Variants in MYT1 observed in about 807,000 individuals in gnomAD.
MYT1 encodes the protein myelin transcription factor I.
Under a neutral mutation model 123.0 loss-of-function variants are expected in MYT1, and 23 were observed. That is an observed-to-expected ratio of 0.19 (90% CI 0.13 to 0.26). The LOEUF (loss-of-function observed/expected upper bound fraction) is 0.26. Among genes scored for constraint, MYT1 ranks in the 10% least tolerant of loss-of-function variants. The probability of loss-of-function intolerance (pLI) is 1.00; values close to 1 mark genes in which losing one functional copy is unlikely to be tolerated. For missense variants in MYT1, 1,125 were observed against 1,472.5 expected (o/e 0.76, Z 3.86); for synonymous variants, 518 against 575.3 (o/e 0.90, Z 1.43).
At chr20:64,235,594 A>ATGGTGGGTGACCCCGAGCTGGCTG (rs1568722575) in intron 19 of MYT1, among the ~76,000 whole-genome samples, 4 of 106,380 alleles carry the variant, frequency 3.8e-5, no homozygotes, top group Non-Finnish European at 5.8e-5. Flanking sequence ...GGGGCTGGCC[A>ATGGTGGGTGACCCCGAGCTGGCTG]TGGTGGGTGA....
intron 2 of MYT1, among the ~76,000 whole-genome samples, chr20:64,197,142 G>A (rs905066643): frequency 5.9e-5 from 9 of 152,242 alleles, no homozygotes; most frequent in Non-Finnish European, 1.3e-4. Flanking sequence ...TTGGAAGGCT[G>A]TAATAAACGC....
At position 64,218,077 on chromosome 20, in the gene MYT1, G is replaced by A. The variant is rs945373945; in HGVS notation, c.1846+796G>A. Among the ~76,000 whole-genome samples the A allele has an allele frequency of 6.6e-6, 1 of 152,224 alleles. No individual in the cohort carries two copies. Among genetic ancestry groups the A allele is most frequent in the African/African-American group, 2.4e-5 (1 of 41,456 alleles). On this transcript the variant is annotated intron_variant, in intron 11 of 22. Coordinates refer to ENST00000328439, the MANE Select transcript of MYT1 (RefSeq NM_004535.3). The surrounding 1 kb of genome is among the most constrained non-coding windows in gnomAD (Gnocchi z 4.0). The stretch of plus-strand genomic sequence containing the variant: ...CATGAGAATAATAAAAGTACTGATT[G>A]ATGCGGCTGCCAGTGGGGTGTGAGC...
chr20:64,207,526 T>C, intron 6 of MYT1, 68 bp from the exon 7 acceptor site: 1 of 1,559,622 alleles, frequency 6.4e-7, no homozygotes. Context: ...GTGGGTGTGT[T>C]GGGGACTGGA....
At position 64,167,548 on chromosome 20, in the gene MYT1, G is replaced by T. The variant is rs956636507; in HGVS notation, c.-99+2809G>T. Among the ~76,000 whole-genome samples, 2 of 152,192 alleles carry T rather than the reference G, an allele frequency of 1.3e-5. No individual in the cohort carries two copies. Among genetic ancestry groups the T allele is most frequent in the African/African-American group, 4.8e-5 (2 of 41,444 alleles). On this transcript the variant is annotated intron_variant, in intron 1 of 22. Transcript: ENST00000328439. The surrounding 1 kb of genome is among the most constrained non-coding windows in gnomAD (Gnocchi z 6.3). ...GTCACCTGATCTGCGAGCAGGCAGG[G>T]TACTGGACGGTCAGCCAGACTTTCA... is the stretch of plus-strand genomic sequence containing the variant.
intron 13 of MYT1, among the ~76,000 whole-genome samples, chr20:64,221,222 A>T (rs168448): frequency 0.49 from 74,379 of 152,000 alleles, 20,260 homozygotes; most frequent in African/African-American, 0.72. Flanking sequence ...CTGTCAGGAC[A>T]GGATTTTGAG....
intron 8 of MYT1, 114 bp from the exon 9 acceptor site, chr20:64,211,934 C>A (rs959851004): frequency 3.6e-6 from 3 of 838,696 alleles, no homozygotes; most frequent in Non-Finnish European, 5.9e-6. Flanking sequence ...GCCTACCAAG[C>A]AGCAGCCTTT....
In MYT1 at chr20:64,166,548, A is replaced by G. The variant is rs1410941725; in HGVS notation, c.-99+1809A>G. ...AAGAGGGCCTGGTAGCCCTCTTCAG[A>G]GACCCGAGGCAGGGGGGCTGCTTCT... On this transcript the variant is annotated intron_variant, in intron 1 of 22. Coordinates refer to ENST00000328439, the MANE Select transcript of MYT1 (RefSeq NM_004535.3). The surrounding 1 kb of genome is among the most constrained non-coding windows in gnomAD (Gnocchi z 4.9). 3.3e-5 allele frequency among the ~76,000 whole-genome samples: 5 copies of G among 152,100 alleles called. No homozygotes were observed. The highest frequency in any genetic ancestry group is 7.4e-5 in the Non-Finnish European group (5 of 68,010).
rs1983551542 is a variant in MYT1 at position 64,208,099 on chromosome 20, A to AGGAAGAGGAAGAGGAAGAG, written c.904_905insGAAGAGGAAGAGGAAGAGG (p.Glu302GlyfsTer15). The AGGAAGAGGAAGAGGAAGAG allele has an allele frequency of 6.2e-7, 1 of 1,604,278 alleles. No homozygotes were observed. Among genetic ancestry groups the AGGAAGAGGAAGAGGAAGAG allele is most frequent in the African/African-American group, 1.3e-5 (1 of 74,144 alleles). On this transcript the variant is annotated frameshift_variant, in exon 7 of 23. Coordinates refer to ENST00000328439, the MANE Select transcript of MYT1 (RefSeq NM_004535.3). LOFTEE classifies it high-confidence loss of function. The surrounding 1 kb of genome is among the most constrained non-coding windows in gnomAD (Gnocchi z 5.4). ...AAGAGGAGGAGGAAGAGGAAGAGGA[A>AGGAAGAGGAAGAGGAAGAG]GAGGAGGAGGAGGAGGCAGCTCCTG...
chr20:64,236,731 A>G (rs1287033278), intron 20 of MYT1, 85 bp downstream of exon 20: 1 of 1,195,526 alleles, frequency 8.4e-7, no homozygotes, highest in East Asian at 2.3e-5. Context: ...TGGTGGGAAG[A>G]AGGTTAGGGA....
chr20:64,188,410 A>C (rs555883375), intron 1 of MYT1, among the ~76,000 whole-genome samples: 1 of 152,202 alleles, frequency 6.6e-6, no homozygotes, highest in South Asian at 2.1e-4. Context: ...AGCCTTGCCA[A>C]TCAGCCCAGT....
At chr20:64,180,888 C>T (rs771071990) in intron 1 of MYT1, among the ~76,000 whole-genome samples, 12 of 152,218 alleles carry the variant, frequency 7.9e-5, no homozygotes, top group Non-Finnish European at 1.3e-4. Flanking sequence ...CCACATGCAC[C>T]TCCCTGCCCT....
At chr20:64,214,021 C>T (rs1212587546) in intron 10 of MYT1, among the ~76,000 whole-genome samples, 1 of 152,244 alleles carries the variant, frequency 6.6e-6, no homozygotes, top group Non-Finnish European at 1.5e-5. Flanking sequence ...CTGGAAAGAG[C>T]AGACTGCACC....
At chr20:64,222,777 G>A (rs1241314973) in intron 14 of MYT1, among the ~76,000 whole-genome samples, 1 of 152,208 alleles carries the variant, frequency 6.6e-6, no homozygotes, top group Non-Finnish European at 1.5e-5. Context: ...ATCCAGGGAA[G>A]GCCTTGCTTC....
chr20:64,212,430 C>A lies in MYT1; in HGVS notation c.1517+292C>A, dbSNP rs186922304. On this transcript the variant is annotated intron_variant, in intron 9 of 22. Transcript: ENST00000328439. The surrounding 1 kb of genome is among the most constrained non-coding windows in gnomAD (Gnocchi z 6.8). ...GGTACAAGGTCAGGGCACACCTGGG[C>A]GGTGAGGGGCCTTTGTGAGGGCAGA... 5.9e-5 allele frequency among the ~76,000 whole-genome samples: 9 copies of A among 152,092 alleles called. No individual in the cohort carries two copies. The highest frequency in any genetic ancestry group is 1.3e-4 in the Non-Finnish European group (9 of 68,000).
At chr20:64,211,968 C>T in intron 8 of MYT1, 80 bp from the exon 9 acceptor site, 3 of 1,221,408 alleles carry the variant, frequency 2.5e-6, no homozygotes, top group East Asian at 2.4e-5. Context: ...GCACCCTCCT[C>T]AGCCTGTGCT....
intron 8 of MYT1, among the ~76,000 whole-genome samples, chr20:64,211,729 A>G (rs1168658111): frequency 1.3e-5 from 2 of 152,228 alleles, no homozygotes; most frequent in Non-Finnish European, 2.9e-5. Flanking sequence ...AGAAGCAGTA[A>G]TTGTGAAAAT....
At position 64,219,023 on chromosome 20, in the gene MYT1, C is replaced by A. The variant is rs202159344; in HGVS notation, c.1959C>A (p.Asp653Glu). The change falls in exon 12 of 23, where the codon GAC becomes GAA. Residue 653 changes from aspartate to glutamate, a missense_variant. Asp to Glu is a conservative substitution (Grantham distance 45). Transcript: ENST00000328439. ...MPENLSTKPQ[D>E]LPSKSVDIEV... The stretch of plus-strand genomic sequence containing the variant: ...AGAACCTCAGCACGAAGCCACAGGA[C>A]CTCCCCAGCAAGGTTAGTACATCTG... The A allele has an allele frequency of 6.2e-7, 1 of 1,613,302 alleles. No homozygotes were observed. Among genetic ancestry groups the A allele is most frequent in the Middle Eastern group, 1.7e-4 (1 of 5,904 alleles).
chr20:64,205,772 C>A lies in MYT1; in HGVS notation c.369C>A (p.Asp123Glu), dbSNP rs368285050. 6.2e-7 allele frequency: 1 copy of A among 1,614,062 alleles called. No homozygotes were observed. Among genetic ancestry groups the A allele is most frequent in the Non-Finnish European group, 8.5e-7 (1 of 1,180,022 alleles). ...EGAEAETSGQ[D>E]EIHRPETAEG... ...CCGAGGCTGAGACGTCAGGACAGGA[C>A]GAGATTCATCGCCCCGAGACAGCTG... The change falls in exon 6 of 23, where the codon GAC becomes GAA. Residue 123 changes from aspartate (D) to glutamate (E), a missense_variant. Asp to Glu is a conservative substitution (Grantham distance 45). Coordinates refer to ENST00000328439, the MANE Select transcript of MYT1 (RefSeq NM_004535.3).
rs1982120570 is a variant in MYT1, at chr20:64,167,575, G to C, written c.-99+2836G>C. On this transcript the variant is annotated intron_variant, in intron 1 of 22. Coordinates refer to ENST00000328439, the MANE Select transcript of MYT1 (RefSeq NM_004535.3). The surrounding 1 kb of genome is among the most constrained non-coding windows in gnomAD (Gnocchi z 6.3). ...ACTGGACGGTCAGCCAGACTTTCATGTTACTCAGGCATCTTGAAGAGTGGA... is the reference window on the plus strand; with the variant it reads ...ACTGGACGGTCAGCCAGACTTTCATCTTACTCAGGCATCTTGAAGAGTGGA... 6.6e-6 allele frequency among the ~76,000 whole-genome samples: 1 copy of C among 152,192 alleles called. No homozygotes were observed. The highest frequency in any genetic ancestry group is 2.1e-4 in the South Asian group (1 of 4,834).
Sources: allele counts gnomAD v4.1 joint callset (sites outside exome capture counted in the v4.1 genomes callset), GRCh38; gene constraint gnomAD v4.1.1; non-coding constraint Gnocchi (gnomAD v3.1); transcripts MANE v1.5; gene names NCBI Gene and HGNC (gene_info 2026-07-23, HGNC 2026-07-21).